The following CHD5 variants were observed in gnomAD, a reference collection of about 807,000 sequenced individuals.
The protein encoded by CHD5 is ATP-dependent chromatin remodeler CHD5.
A neutral mutation model predicts 230.3 loss-of-function variants in CHD5; 69 were observed. The ratio of observed to expected loss-of-function variants is 0.30; its 90% CI spans 0.25 to 0.37. CHD5 has a LOEUF of 0.37. CHD5 is among the 10% of genes least tolerant of loss of function. CHD5 has a pLI of 1.00. For missense variants in CHD5, 1,827 were observed against 2,622.8 expected, an observed-to-expected ratio of 0.70 and a Z score of 6.63; for synonymous variants, 1,064 against 1,065.9, an observed-to-expected ratio of 1.00 and a Z score of 0.03.
chr1:6,128,674 GC>G lies in CHD5; in HGVS notation c.3620-66del. 1 of 1,408,476 alleles carries G rather than the reference GC, an allele frequency of 7.1e-7. No individual in the cohort carries two copies. Among genetic ancestry groups the G allele is most frequent in the Non-Finnish European group, 1.0e-6 (1 of 1,001,038 alleles). The allele number at this position is 1,408,476 out of a possible 1,614,324, so 87.2% of individuals were successfully genotyped here. A position where few individuals can be genotyped will look rare whatever the true frequency, so the allele number is the denominator to read the frequency against. On this transcript the variant is annotated intron_variant, in intron 23 of 41. Coordinates refer to ENST00000262450, the MANE Select transcript of CHD5 (RefSeq NM_015557.3). The surrounding 1 kb of genome is among the most constrained non-coding windows in gnomAD (Gnocchi z 7.8). ...GAGGGCTGCAGGGTTGGCGGGCAGT[GC>G]CCAGAGACACCACCCTGGGCTGTCC...
In CHD5 at chr1:6,163,261, G is replaced by A. The variant is rs149223969; in HGVS notation, c.208-3746C>T. 7.6e-3 allele frequency among the ~76,000 whole-genome samples: 1,164 copies of A among 152,306 alleles called. 14 individuals carry two copies. Among genetic ancestry groups the A allele is most frequent in the African/African-American group, 0.026 (1,071 of 41,544 alleles). ...AAGCCCTCATTTCTTGGAAGCAGGT[G>A]CACTTCTCTCCCTCCTCCATCCACC... On this transcript the variant is annotated intron_variant, in intron 2 of 41. Transcript: ENST00000262450.
chr1:6,118,896 C>G (rs1409708124), intron 33 of CHD5, among the ~76,000 whole-genome samples: 1 of 151,862 alleles, frequency 6.6e-6, no homozygotes, highest in Non-Finnish European at 1.5e-5. Context: ...CAGGGTTTCA[C>G]CATGTCGGCC....
At chr1:6,116,884 T>C (rs529741734) in intron 33 of CHD5, among the ~76,000 whole-genome samples, 1 of 152,098 alleles carries the variant, frequency 6.6e-6, no homozygotes, top group South Asian at 2.1e-4. Context: ...TAAAAAAGGA[T>C]TAAAAATTTA....
intron 3 of CHD5, among the ~76,000 whole-genome samples, chr1:6,156,776 T>C (rs1196930529): frequency 6.6e-6 from 1 of 152,016 alleles, no homozygotes; most frequent in Non-Finnish European, 1.5e-5. Context: ...CAACTACTGC[T>C]GAGGCCTGGG....
At chr1:6,143,601 G>A (rs1441842865) in intron 13 of CHD5, among the ~76,000 whole-genome samples, 1 of 152,184 alleles carries the variant, frequency 6.6e-6, no homozygotes, top group Admixed American at 6.5e-5. Flanking sequence ...GAGTCATCCT[G>A]GGTCTCCTCC....
chr1:6,119,862 A>T lies in CHD5; in HGVS notation c.4912+1243T>A, dbSNP rs867535426. On this transcript the variant is annotated intron_variant, in intron 33 of 41. Coordinates refer to ENST00000262450, the MANE Select transcript of CHD5 (RefSeq NM_015557.3). Reference sequence around the variant, plus strand: ...ATATATGTGTGTATTATATATATATATATTTTTTTTTTTTCTGAGATTGAG... The same window carrying T: ...ATATATGTGTGTATTATATATATATTTATTTTTTTTTTTTCTGAGATTGAG... Among the ~76,000 whole-genome samples, 490 of 127,070 alleles carry T rather than the reference A, an allele frequency of 3.9e-3. 1 individual carries two copies. Among genetic ancestry groups the T allele is most frequent in the Non-Finnish European group, 6.1e-3 (370 of 60,500 alleles). 83.4% of individuals were successfully genotyped at this position (127,070 alleles called of 152,430 possible).
chr1:6,153,909 C>A (rs951552325), intron 5 of CHD5, among the ~76,000 whole-genome samples: 1 of 152,088 alleles, frequency 6.6e-6, no homozygotes, highest in Non-Finnish European at 1.5e-5. Flanking sequence ...CTGGGGAGAT[C>A]AACATCCCCA....
rs1386989783 is a variant in CHD5, at chr1:6,129,253, C to A, written c.3388-184G>T. On this transcript the variant is annotated intron_variant, in intron 22 of 41. Transcript: ENST00000262450. This position sits in a 1 kb window ranked among gnomAD's most constrained non-coding sequence, Gnocchi z 6.8. ...GCTCCCTCCCTGACTGCGGAGCCTCCCACAAGCCTGGGTGCCAGGCTGGGT... is the reference window on the plus strand; with the variant it reads ...GCTCCCTCCCTGACTGCGGAGCCTCACACAAGCCTGGGTGCCAGGCTGGGT... 1.3e-5 allele frequency among the ~76,000 whole-genome samples: 2 copies of A among 152,196 alleles called. No homozygotes were observed. Among genetic ancestry groups the A allele is most frequent in the African/African-American group, 4.8e-5 (2 of 41,458 alleles).
At chr1:6,120,404 C>T (rs1357591012) in intron 33 of CHD5, among the ~76,000 whole-genome samples, 1 of 151,644 alleles carries the variant, frequency 6.6e-6, no homozygotes, top group African/African-American at 2.4e-5. Context: ...CAAGGTGGCT[C>T]ATGCCTGCAA....
chr1:6,130,202 AC>A lies in CHD5; in HGVS notation c.3387+1del. Reference sequence around the variant, plus strand: ...AGGGTGGTGGGCGGCAGCAGCACAGACCTGGATGTCATTGTGCGGGTTCCAG... The same window carrying A: ...AGGGTGGTGGGCGGCAGCAGCACAGACTGGATGTCATTGTGCGGGTTCCAG... On this transcript the variant is annotated splice_donor_variant, in intron 22 of 41. Transcript: ENST00000262450. LOFTEE classifies it high-confidence loss of function. This position sits in a 1 kb window ranked among gnomAD's most constrained non-coding sequence, Gnocchi z 4.9. The A allele has an allele frequency of 6.2e-7, 1 of 1,613,916 alleles. No homozygotes were observed.
At position 6,126,774 on chromosome 1, in the gene CHD5, G is replaced by A; in HGVS notation, c.3904-28C>T. On this transcript the variant is annotated intron_variant, in intron 25 of 41. Coordinates refer to ENST00000262450, the MANE Select transcript of CHD5 (RefSeq NM_015557.3). The surrounding 1 kb of genome is among the most constrained non-coding windows in gnomAD (Gnocchi z 5.7). The stretch of plus-strand genomic sequence containing the variant: ...GGGGACGCAGCACCACGGGTTCCAT[G>A]GGTGGAGCCATCTCTGCCCTCCCGG... 1.2e-6 allele frequency: 2 copies of A among 1,604,140 alleles called. No individual in the cohort carries two copies. The highest frequency in any genetic ancestry group is 4.5e-5 in the East Asian group (2 of 44,670).
At position 6,152,382 on chromosome 1, in the gene CHD5, ACACACACGCG is replaced by A. The variant is rs768080590; in HGVS notation, c.870+20_870+29del. The A allele has an allele frequency of 8.1e-6, 13 of 1,600,792 alleles. No individual in the cohort carries two copies. Among genetic ancestry groups the A allele is most frequent in the East Asian group, 6.7e-5 (3 of 44,492 alleles). The stretch of plus-strand genomic sequence containing the variant: ...TGCAGACACACATGCATGCAAATGC[ACACACACGCG>A]CACACACGCACACACTCACCGAGGA... On this transcript the variant is annotated intron_variant, in intron 6 of 41. Coordinates refer to ENST00000262450, the MANE Select transcript of CHD5 (RefSeq NM_015557.3).
rs545512949 is a variant in CHD5 at position 6,121,029 on chromosome 1, A to G, written c.4912+76T>C. On this transcript the variant is annotated intron_variant, in intron 33 of 41. Coordinates refer to ENST00000262450, the MANE Select transcript of CHD5 (RefSeq NM_015557.3). The surrounding 1 kb of genome is among the most constrained non-coding windows in gnomAD (Gnocchi z 4.5). ...GGGAGAAATGAGCGGAAGTACAGCC[A>G]CCTGCCCTTCTCTGAACCCAGGCCT... 8 of 1,441,180 alleles carry G rather than the reference A, an allele frequency of 5.6e-6. No homozygotes were observed. Among genetic ancestry groups the G allele is most frequent in the Middle Eastern group, 2.3e-4 (1 of 4,266 alleles). The allele number at this position is 1,441,180 out of a possible 1,614,324, so 89.3% of individuals were successfully genotyped here.
At chr1:6,156,863 C>T (rs145709709) in intron 3 of CHD5, among the ~76,000 whole-genome samples, 7 of 152,256 alleles carry the variant, frequency 4.6e-5, no homozygotes, top group Non-Finnish European at 7.4e-5. Flanking sequence ...TGACCAGGCC[C>T]GGGCTGGCGG....
At chr1:6,164,204 G>A (rs755958110) in intron 2 of CHD5, among the ~76,000 whole-genome samples, 5 of 152,302 alleles carry the variant, frequency 3.3e-5, no homozygotes, top group African/African-American at 7.2e-5. Flanking sequence ...CACACGCACC[G>A]CATCTCCTAA....
At position 6,144,240 on chromosome 1, in the gene CHD5, C is replaced by A. The variant is rs78898494; in HGVS notation, c.1803-85G>T. 2,457 of 1,566,658 alleles carry A rather than the reference C, an allele frequency of 1.6e-3. 46 individuals carry two copies. The African/African-American group carries it at 0.03, about 19-fold the overall frequency. ...GAAGGGCACCTCCCAGGATGCAGAG[C>A]CATTCACACCCAGGGTCCCCTCGGA... On this transcript the variant is annotated intron_variant, in intron 11 of 41. Transcript: ENST00000262450.
intron 1 of CHD5, among the ~76,000 whole-genome samples, chr1:6,176,686 G>A (rs1667430681): frequency 6.6e-6 from 1 of 152,220 alleles, no homozygotes; most frequent in South Asian, 2.1e-4. Flanking sequence ...GCTGGGCACT[G>A]TGGCCTAATG....
Position 6,125,734 on chromosome 1 carries a change from C to A in CHD5, c.4171+32G>T, listed in dbSNP as rs1666545216. ...ATCAGCTCCCCTGACATGGCCTCAG[C>A]AGTAGCCCAGACCACTAACACTGAG... is the stretch of plus-strand genomic sequence containing the variant. On this transcript the variant is annotated intron_variant, in intron 27 of 41. Coordinates refer to ENST00000262450, the MANE Select transcript of CHD5 (RefSeq NM_015557.3). This position sits in a 1 kb window ranked among gnomAD's most constrained non-coding sequence, Gnocchi z 6.7. 2.5e-6 allele frequency: 4 copies of A among 1,595,642 alleles called. No individual in the cohort carries two copies. Among genetic ancestry groups the A allele is most frequent in the Middle Eastern group, 1.7e-4 (1 of 6,030 alleles).
chr1:6,108,947 G>A (rs1228155675), intron 38 of CHD5, among the ~76,000 whole-genome samples: 1 of 151,918 alleles, frequency 6.6e-6, no homozygotes, highest in African/African-American at 2.4e-5. Flanking sequence ...GCTGTGCCAG[G>A]GGAGGTAGCC....
Sources: allele counts gnomAD v4.1 joint callset (sites outside exome capture counted in the v4.1 genomes callset), GRCh38; gene constraint gnomAD v4.1.1; non-coding constraint Gnocchi (gnomAD v3.1); transcripts MANE v1.5; gene names NCBI Gene and HGNC (gene_info 2026-07-23, HGNC 2026-07-21).